The following MPP4 variants were observed in gnomAD, a reference collection of about 807,000 sequenced individuals.
MPP4 encodes MAGUK p55 scaffold protein 4, also known as MAGUK p55 subfamily member 4.
In MPP4, 91 loss-of-function variants were observed where a neutral mutation model predicts 98.3. The ratio of observed to expected loss-of-function variants is 0.93; its 90% CI spans 0.78 to 1.10. MPP4 has a LOEUF of 1.10. Ranked by LOEUF, MPP4 falls within the 50% of genes least tolerant of loss-of-function variation. The pLI is 0.00. For missense variants in MPP4, 744 were observed against 792.9 expected (o/e 0.94, Z 0.74); for synonymous variants, 261 against 271.8 (o/e 0.96, Z 0.39).
chr2:201,695,132 C>T (rs1468794), intron 1 of MPP4, among the ~76,000 whole-genome samples: 138,117 of 152,148 alleles, frequency 0.91, 62,884 homozygotes, highest in East Asian at 1. Context: ...CCTTGCTCCA[C>T]GAAGTCCTCA....
At chr2:201,671,601 C>A (rs1455925048) in intron 11 of MPP4, among the ~76,000 whole-genome samples, 1 of 152,086 alleles carries the variant, frequency 6.6e-6, no homozygotes, top group Non-Finnish European at 1.5e-5. Flanking sequence ...GGTTCCAATC[C>A]TAGTCTCTAA....
chr2:201,666,991 C>T (rs1249823756), intron 12 of MPP4, among the ~76,000 whole-genome samples: 2 of 152,046 alleles, frequency 1.3e-5, no homozygotes, highest in African/African-American at 4.8e-5. Flanking sequence ...ATTAGTTGAC[C>T]TCTAAGCCTC....
intron 10 of MPP4, among the ~76,000 whole-genome samples, chr2:201,675,652 A>G (rs1302942947): frequency 1.3e-5 from 2 of 152,172 alleles, no homozygotes; most frequent in Non-Finnish European, 1.5e-5. Flanking sequence ...CTCTCAGGCT[A>G]TTAGAGGCTC....
intron 3 of MPP4, among the ~76,000 whole-genome samples, chr2:201,691,524 T>C (rs1354748628): frequency 6.6e-6 from 1 of 152,190 alleles, no homozygotes; most frequent in African/African-American, 2.4e-5. Flanking sequence ...TTCTATTTTA[T>C]TTATTTATTT....
In MPP4 at chr2:201,651,559, G is replaced by T. The variant is rs1033262880; in HGVS notation, c.1382-1394C>A. The stretch of plus-strand genomic sequence containing the variant: ...AACCTCAATTTAAAAAGCAAAATAT[G>T]AGCAGTATTTTCTCACTTTGAATGA... On this transcript the variant is annotated intron_variant, in intron 18 of 21. Transcript: ENST00000409474. 3 of 984,894 alleles carry T rather than the reference G, an allele frequency of 3.0e-6. No homozygotes were observed. The Admixed American group carries it at 1.8e-4, about 61-fold the overall frequency. The allele number at this position is 984,894 out of a possible 1,614,324, so 61.0% of individuals were successfully genotyped here.
intron 16 of MPP4, among the ~76,000 whole-genome samples, chr2:201,657,968 TG>T (rs375585881): frequency 2.0e-4 from 30 of 151,218 alleles, no homozygotes; most frequent in African/African-American, 6.5e-4. Flanking sequence ...TTTTTTTTTT[TG>T]TTTTTTTTTT....
intron 3 of MPP4, among the ~76,000 whole-genome samples, chr2:201,692,189 T>C (rs576935050): frequency 1.3e-5 from 2 of 152,328 alleles, no homozygotes; most frequent in African/African-American, 2.4e-5. Flanking sequence ...AATGACACCA[T>C]TGGGTAAGTA....
intron 10 of MPP4, among the ~76,000 whole-genome samples, chr2:201,678,020 C>T (rs1688559885): frequency 6.6e-6 from 1 of 152,222 alleles, no homozygotes; most frequent in Non-Finnish European, 1.5e-5. Flanking sequence ...TTCCATTATT[C>T]TGTCCCCAAC....
chr2:201,667,798 C>T (rs953576365), intron 12 of MPP4, among the ~76,000 whole-genome samples: 4 of 152,010 alleles, frequency 2.6e-5, no homozygotes, highest in Non-Finnish European at 5.9e-5. Context: ...GGTGTTATCG[C>T]CACCCCTTAA....
At chr2:201,690,141 A>T (rs770077574) in intron 4 of MPP4, 61 bp downstream of exon 4, 144 of 1,074,472 alleles carry the variant, frequency 1.3e-4, no homozygotes, top group Non-Finnish European at 1.9e-4. Flanking sequence ...TTGAACTAGC[A>T]ATGTGGGGAA....
chr2:201,650,577 G>T, intron 18 of MPP4: 1 of 985,344 alleles, frequency 1.0e-6, no homozygotes, highest in Non-Finnish European at 1.2e-6. Context: ...CTTACCTTAG[G>T]TAAACTGTTA....
intron 21 of MPP4, chr2:201,646,792 A>G (rs1292468474): frequency 1.3e-5 from 2 of 152,260 alleles, no homozygotes; most frequent in African/African-American, 4.8e-5. Context: ...AGCATGACAT[A>G]CAAATATTTA....
chr2:201,680,766 A>G (rs1368653153), intron 10 of MPP4, 72 bp downstream of exon 10: 1 of 1,389,530 alleles, frequency 7.2e-7, no homozygotes, highest in Non-Finnish European at 9.9e-7. Context: ...TCTTGAGGTA[A>G]CAGAAACCCA....
intron 1 of MPP4, among the ~76,000 whole-genome samples, chr2:201,698,384 A>G (rs1313382021): frequency 2.0e-5 from 3 of 152,228 alleles, no homozygotes; most frequent in Admixed American, 6.5e-5. Flanking sequence ...TCATTATTCC[A>G]TACTGAAGAA....
chr2:201,672,124 A>G (rs1051106152), intron 11 of MPP4, among the ~76,000 whole-genome samples: 1 of 152,246 alleles, frequency 6.6e-6, no homozygotes, highest in African/African-American at 2.4e-5. Context: ...ATGGAAACAG[A>G]ACAACCTGCT....
intron 15 of MPP4, among the ~76,000 whole-genome samples, chr2:201,659,898 C>T (rs1267138460): frequency 6.6e-6 from 1 of 151,932 alleles, no homozygotes; most frequent in African/African-American, 2.4e-5. Flanking sequence ...CATATGCAAC[C>T]TTTTTTCTTA....
At chr2:201,666,234 A>G (rs1688170390) in intron 13 of MPP4, 100 bp downstream of exon 13, 5 of 936,398 alleles carry the variant, frequency 5.3e-6, no homozygotes, top group Non-Finnish European at 7.9e-6. Flanking sequence ...TTTCTAGAGG[A>G]AAGGCCCATG....
chr2:201,679,602 A>G (rs1014731100), intron 10 of MPP4, among the ~76,000 whole-genome samples: 3 of 152,178 alleles, frequency 2.0e-5, no homozygotes. Flanking sequence ...AGGTCAGGCC[A>G]AGCTCTCTTC....
At chr2:201,657,797 T>C (rs1487179708) in intron 16 of MPP4, among the ~76,000 whole-genome samples, 1 of 151,778 alleles carries the variant, frequency 6.6e-6, no homozygotes. Flanking sequence ...CCTCTGACAA[T>C]TGGCACCAGG....
Sources: allele counts gnomAD v4.1 joint callset (sites outside exome capture counted in the v4.1 genomes callset), GRCh38; gene constraint gnomAD v4.1.1; transcripts MANE v1.5; gene names NCBI Gene and HGNC (gene_info 2026-07-23, HGNC 2026-07-21).